UNC5D: variants seen among roughly 807,000 people sequenced by gnomAD.
The protein encoded by UNC5D is netrin receptor UNC5D.
A neutral mutation model predicts 105.4 loss-of-function variants in UNC5D; 39 were observed. The ratio of observed to expected loss-of-function variants is 0.37; its 90% confidence interval spans 0.29 to 0.48. The LOEUF is 0.48. UNC5D is among the 20% of genes least tolerant of loss of function. The pLI is 0.98. For missense variants in UNC5D, 991 were observed against 1,202.4 expected (o/e 0.82, Z 2.60); for synonymous variants, 452 against 450.4 (o/e 1.00, Z -0.04).
intron 1 of UNC5D, among the ~76,000 whole-genome samples, chr8:35,291,984 G>A (rs142694326): frequency 6.0e-4 from 92 of 152,246 alleles, no homozygotes; most frequent in East Asian, 2.3e-3. Context: ...ACATTCACCC[G>A]CTGGTTTTCT....
intron 1 of UNC5D, among the ~76,000 whole-genome samples, chr8:35,353,206 A>G (rs1311456464): frequency 6.6e-5 from 10 of 152,220 alleles, no homozygotes; most frequent in Admixed American, 6.5e-4. Context: ...TGTAGAAATC[A>G]ATAGGGAAAA....
At chr8:35,281,833 C>T (rs1585486962) in intron 1 of UNC5D, among the ~76,000 whole-genome samples, 1 of 152,302 alleles carries the variant, frequency 6.6e-6, no homozygotes, top group Non-Finnish European at 1.5e-5. Context: ...AGCCTGCTTA[C>T]TTCGTTGGGT....
At chr8:35,474,101 G>C (rs940932424) in intron 1 of UNC5D, among the ~76,000 whole-genome samples, 5 of 152,136 alleles carry the variant, frequency 3.3e-5, no homozygotes, top group African/African-American at 7.2e-5. Context: ...TCTAATACAG[G>C]ACCTTTGGAG....
At chr8:35,386,183 T>TCTC (rs1803387019) in intron 1 of UNC5D, among the ~76,000 whole-genome samples, 1 of 152,208 alleles carries the variant, frequency 6.6e-6, no homozygotes, top group Non-Finnish European at 1.5e-5. Flanking sequence ...GAGTAAGAAG[T>TCTC]ATTCATAAAG....
intron 1 of UNC5D, among the ~76,000 whole-genome samples, chr8:35,510,126 A>T (rs1812596817): frequency 6.6e-6 from 1 of 151,944 alleles, no homozygotes; most frequent in Non-Finnish European, 1.5e-5. Flanking sequence ...TTTTCATTAC[A>T]TCCTTGGCTA....
chr8:35,527,968 A>G (rs1814004576), intron 1 of UNC5D, among the ~76,000 whole-genome samples: 1 of 151,828 alleles, frequency 6.6e-6, no homozygotes, highest in Non-Finnish European at 1.5e-5. Context: ...TGGCAGTGGG[A>G]AGGGGAAGGA....
chr8:35,567,500 A>C (rs1817433978), intron 2 of UNC5D, among the ~76,000 whole-genome samples: 1 of 152,120 alleles, frequency 6.6e-6, no homozygotes, highest in Non-Finnish European at 1.5e-5. Context: ...TTAAAAAAAA[A>C]ATACTTATTT....
At chr8:35,634,793 T>G (rs1238850196) in intron 4 of UNC5D, among the ~76,000 whole-genome samples, 1 of 151,044 alleles carries the variant, frequency 6.6e-6, no homozygotes, top group Non-Finnish European at 1.5e-5. Flanking sequence ...TGAGACGGAG[T>G]TTCACTCTTG....
chr8:35,604,059 G>A (rs1397382817), intron 4 of UNC5D, among the ~76,000 whole-genome samples: 2 of 152,120 alleles, frequency 1.3e-5, no homozygotes, highest in African/African-American at 2.4e-5. Context: ...GCTTAGTATT[G>A]TTATGTGTGA....
intron 13 of UNC5D, among the ~76,000 whole-genome samples, chr8:35,758,853 A>T (rs1263926124): frequency 6.6e-6 from 1 of 152,244 alleles, no homozygotes; most frequent in Non-Finnish European, 1.5e-5. Flanking sequence ...AAGCCAAAAG[A>T]ATAAATATCA....
At chr8:35,323,050 C>G (rs991477291) in intron 1 of UNC5D, among the ~76,000 whole-genome samples, 4 of 152,006 alleles carry the variant, frequency 2.6e-5, no homozygotes, top group African/African-American at 4.8e-5. Flanking sequence ...TCACATATAT[C>G]AGAATTGAGT....
chr8:35,646,103 G>T (rs1823030741), intron 4 of UNC5D, among the ~76,000 whole-genome samples: 1 of 152,148 alleles, frequency 6.6e-6, no homozygotes, highest in Admixed American at 6.6e-5. Context: ...TTTATATAAT[G>T]TAGCTCATTG....
At chr8:35,323,452 C>G (rs1419982663) in intron 1 of UNC5D, among the ~76,000 whole-genome samples, 1 of 151,964 alleles carries the variant, frequency 6.6e-6, no homozygotes, top group Non-Finnish European at 1.5e-5. Context: ...GCCTGGCTGC[C>G]CCAACCCCCT....
intron 1 of UNC5D, among the ~76,000 whole-genome samples, chr8:35,427,676 A>G (rs1806343178): frequency 6.6e-6 from 1 of 152,198 alleles, no homozygotes; most frequent in Non-Finnish European, 1.5e-5. Flanking sequence ...TGATCCTGAT[A>G]GGAGTCTCCT....
chr8:35,261,208 C>A (rs892152115), intron 1 of UNC5D, among the ~76,000 whole-genome samples: 1 of 152,134 alleles, frequency 6.6e-6, no homozygotes, highest in East Asian at 1.9e-4. Context: ...ACAGTAGCAA[C>A]TGTGAAGGAA....
At chr8:35,686,040 G>A (rs1406575881) in intron 6 of UNC5D, among the ~76,000 whole-genome samples, 1 of 152,150 alleles carries the variant, frequency 6.6e-6, no homozygotes, top group African/African-American at 2.4e-5. Flanking sequence ...AAGTCCTGGT[G>A]TCTTGGGGTT....
At chr8:35,743,670 T>G (rs1282896791) in intron 11 of UNC5D, among the ~76,000 whole-genome samples, 1 of 152,126 alleles carries the variant, frequency 6.6e-6, no homozygotes, top group Admixed American at 6.5e-5. Context: ...AATTCCTGTG[T>G]GTCCTACACT....
chr8:35,677,893 TG>T (rs1825366459), intron 4 of UNC5D, among the ~76,000 whole-genome samples: 1 of 46,354 alleles, frequency 2.2e-5, no homozygotes, highest in African/African-American at 4.3e-5. Flanking sequence ...TGAGTGTCTG[TG>T]TGTGTGTGTG....
chr8:35,449,786 A>G (rs1474813866), intron 1 of UNC5D, among the ~76,000 whole-genome samples: 3 of 152,088 alleles, frequency 2.0e-5, no homozygotes, highest in Non-Finnish European at 4.4e-5. Flanking sequence ...GTTGTGTAAT[A>G]TATTTTAGAC....
Sources: gnomAD v4.1 joint callset for allele counts (sites outside exome capture counted in the v4.1 genomes callset) on GRCh38, gnomAD v4.1.1 for gene constraint, MANE v1.5 for transcripts, NCBI Gene and HGNC (gene_info 2026-07-23, HGNC 2026-07-21) for gene names.